The following SLC38A2 variants were observed in gnomAD, a reference collection of about 807,000 sequenced individuals.
SLC38A2 encodes sodium-coupled neutral amino acid symporter 2.
In SLC38A2, 11 loss-of-function variants were observed where a neutral mutation model predicts 61.5. The observed-to-expected ratio is 0.18, with a 90% CI of 0.11 to 0.30. SLC38A2 has a LOEUF of 0.30. Among genes scored for constraint, SLC38A2 ranks in the 10% least tolerant of loss-of-function variants. The pLI is 1.00. For synonymous variants in SLC38A2, 217 were observed against 212.5 expected (o/e 1.02, Z -0.18); for missense variants, 522 against 600.4 (o/e 0.87, Z 1.36).
At position 46,371,278 on chromosome 12, in the gene SLC38A2, T is replaced by C; in HGVS notation, c.16A>G (p.Met6Val). Residue 6 changes from methionine (M) to valine (V), a missense_variant, in exon 2 of 16, where the codon ATG becomes GTG. Around this residue, in one of 3 missense-constraint regions of SLC38A2, gnomAD observed 102 missense variants for 83.1 expected, o/e 1.23. Transcript: ENST00000256689. ...TCCGGGGAAATACTGAATCGTCCCA[T>C]TTCGGCCTTCTTCATGCTAAGCACT... MKKAE[M>V]GRFSISPDED... is the part of the protein sequence containing the mutation. 1 of 1,614,204 alleles carries C rather than the reference T, an allele frequency of 6.2e-7. No individual in the cohort carries two copies. The highest frequency in any genetic ancestry group is 1.7e-5 in the Admixed American group (1 of 60,032).
In SLC38A2 at chr12:46,367,184, A is replaced by G. The variant is rs1184308511; in HGVS notation, c.389-16T>C. The G allele has an allele frequency of 6.2e-7, 1 of 1,604,362 alleles. No individual in the cohort carries two copies. Among genetic ancestry groups the G allele is most frequent in the East Asian group, 2.2e-5 (1 of 44,848 alleles). ...AATAAAGACCCTACAATTTGAAGAC[A>G]GAAGCATGAAGCCAAGGATTTTAAA... On this transcript the variant is annotated splice_polypyrimidine_tract_variant and intron_variant, in intron 5 of 15. Coordinates refer to ENST00000256689, the MANE Select transcript of SLC38A2 (RefSeq NM_018976.5).
chr12:46,370,878 T>C (rs772138600), intron 2 of SLC38A2, 21 bp from the exon 3 acceptor site: 9 of 1,565,742 alleles, frequency 5.7e-6, no homozygotes, highest in Admixed American at 1.8e-5. Context: ...TATAGACATA[T>C]ATAATTGTAA....
rs1433281600 is a variant in SLC38A2, at chr12:46,360,752, T to TCCA, written c.*356_*358dup. The TCCA allele has an allele frequency of 5.1e-6, 1 of 196,348 alleles. No individual in the cohort carries two copies. The highest frequency in any genetic ancestry group is 1.0e-5 in the Non-Finnish European group (1 of 97,258). The allele number at this position is 196,348 out of a possible 1,614,324, so 12.2% of individuals were successfully genotyped here. ...AGAATTGTTTCTCACATCAAATGGT[T>TCCA]CCATTAGGCACATTCAAGTAAAATC... On this transcript the variant is annotated 3_prime_UTR_variant, in exon 16 of 16. Transcript: ENST00000256689.
Position 46,365,123 on chromosome 12 carries a change from C to T in SLC38A2, c.630G>A (p.Ser210=), listed in dbSNP as rs755493716. 13 of 1,612,988 alleles carry T rather than the reference C, an allele frequency of 8.1e-6. No individual in the cohort carries two copies. Among genetic ancestry groups the T allele is most frequent in the African/African-American group, 2.7e-5 (2 of 74,802 alleles). The part of the protein sequence containing the change: ...LVSLVVILPL[S]LFRNLGYLGY... ...TTTGCTCACCTAAATTTCTAAACAGCGACAAAGGAAGAATGACCACCAATG... is the reference window on the plus strand; with the variant it reads ...TTTGCTCACCTAAATTTCTAAACAGTGACAAAGGAAGAATGACCACCAATG... The change falls in exon 8 of 16, where the codon TCG becomes TCA. Residue 210 remains serine, a synonymous_variant. Transcript: ENST00000256689.
At chr12:46,368,082 C>G (rs999121645) in intron 4 of SLC38A2, among the ~76,000 whole-genome samples, 18 of 151,920 alleles carry the variant, frequency 1.2e-4, no homozygotes, top group Admixed American at 1.0e-3. Context: ...CTGCACTCAG[C>G]CTGGAGGACA....
intron 7 of SLC38A2, among the ~76,000 whole-genome samples, chr12:46,365,482 T>C (rs1943130144): frequency 1.3e-5 from 2 of 152,170 alleles, no homozygotes; most frequent in African/African-American, 4.8e-5. Context: ...AAAGACTTGA[T>C]ACTAATGCAG....
chr12:46,358,450 T>C lies in SLC38A2; in HGVS notation c.*2661A>G. The stretch of plus-strand genomic sequence containing the variant: ...GAAAATGTATTCCTTATTTAAATTT[T>C]AAATAAGAGATCTGAATTTGTACCA... On this transcript the variant is annotated 3_prime_UTR_variant, in exon 16 of 16. Coordinates refer to ENST00000256689, the MANE Select transcript of SLC38A2 (RefSeq NM_018976.5). The C allele has an allele frequency of 6.6e-6, 1 of 152,650 alleles. No individual in the cohort carries two copies. Among genetic ancestry groups the C allele is most frequent in the Non-Finnish European group, 1.5e-5 (1 of 68,034 alleles). 9.5% of individuals were successfully genotyped at this position (152,650 alleles called of 1,614,324 possible).
Position 46,360,842 on chromosome 12 carries a change from T to C in SLC38A2, c.*269A>G, listed in dbSNP as rs1183590848. Reference sequence around the variant, plus strand: ...TGGCTTGATAAAAGTTAAGAGTTTGTCCATTCTCTGGAATGGAATAAAATT... The same window carrying C: ...TGGCTTGATAAAAGTTAAGAGTTTGCCCATTCTCTGGAATGGAATAAAATT... On this transcript the variant is annotated 3_prime_UTR_variant, in exon 16 of 16. Transcript: ENST00000256689. 7.8e-6 allele frequency: 3 copies of C among 386,880 alleles called. No individual in the cohort carries two copies. The highest frequency in any genetic ancestry group is 4.4e-5 in the Admixed American group (1 of 22,726). 24.0% of individuals were successfully genotyped at this position (386,880 alleles called of 1,614,324 possible).
intron 1 of SLC38A2, chr12:46,371,644 T>G (rs1195281474): frequency 7.9e-6 from 2 of 252,980 alleles, no homozygotes; most frequent in Non-Finnish European, 1.5e-5. Flanking sequence ...CTCTCTATTG[T>G]CCCTCGTCGG....
At chr12:46,367,887 C>T (rs1423096590) in intron 4 of SLC38A2, among the ~76,000 whole-genome samples, 2 of 152,112 alleles carry the variant, frequency 1.3e-5, no homozygotes, top group African/African-American at 4.8e-5. Context: ...AATCCCAGCA[C>T]TCTAGGAGGC....
chr12:46,365,010 C>G, intron 8 of SLC38A2, 97 bp downstream of exon 8: 2 of 1,166,534 alleles, frequency 1.7e-6, no homozygotes, highest in Non-Finnish European at 2.5e-6. Flanking sequence ...TTTCTACTTT[C>G]TAGGGCTTTT....
At chr12:46,372,438 C>G (rs1943215850) in intron 1 of SLC38A2, 71 bp downstream of exon 1, 1 of 364,804 alleles carries the variant, frequency 2.7e-6, no homozygotes, top group East Asian at 3.9e-5. Context: ...CGCGGCCCCT[C>G]CCGGAAGCCC....
rs932175129 is a variant in SLC38A2 at position 46,358,536 on chromosome 12, A to G, written c.*2575T>C. ...AATACAATTTAAACAAGTTTTTTTTAGTGTTTGTACACAATTTGTCAATTT... is the reference window on the plus strand; with the variant it reads ...AATACAATTTAAACAAGTTTTTTTTGGTGTTTGTACACAATTTGTCAATTT... On this transcript the variant is annotated 3_prime_UTR_variant, in exon 16 of 16. Transcript: ENST00000256689. The G allele has an allele frequency of 6.6e-6, 1 of 152,596 alleles. No individual in the cohort carries two copies. Among genetic ancestry groups the G allele is most frequent in the African/African-American group, 2.4e-5 (1 of 41,460 alleles). 9.5% of individuals were successfully genotyped at this position (152,596 alleles called of 1,614,324 possible). A position where few individuals can be genotyped will look rare whatever the true frequency, so the allele number is the denominator to read the frequency against.
In SLC38A2 at chr12:46,365,162, C is replaced by T. The variant is rs139181186; in HGVS notation, c.591G>A (p.Leu197=). The T allele has an allele frequency of 1.1e-3, 1,755 of 1,613,310 alleles. 46 individuals carry two copies. In the East Asian group the frequency reaches 0.029, roughly 27 times the overall value. Residue 197 remains leucine (L), a synonymous_variant, in exon 8 of 16, where the codon TTG becomes TTA. Coordinates refer to ENST00000256689, the MANE Select transcript of SLC38A2 (RefSeq NM_018976.5). ...TGLWYLNGNY[L]VLLVSLVVIL... is the part of the protein sequence containing the mutation. ...TGACCACCAATGACACCAACAGAAC[C>T]AAATAGTTCCCGTTCAGATACCACA...
At chr12:46,365,290 A>C (rs1427484289) in intron 7 of SLC38A2, 101 bp from the exon 8 acceptor site, 10 of 948,158 alleles carry the variant, frequency 1.1e-5, no homozygotes, top group African/African-American at 3.3e-5. Context: ...CATGAAAACA[A>C]ACACACAAAA....
Position 46,371,334 on chromosome 12 carries a change from G to A in SLC38A2, c.-41C>T. ...GAATCGGGTGCAGCTAGTAGCGCTGGGCTCCTTTTGTCCTTGGCGGTGGGT... is the reference window on the plus strand; with the variant it reads ...GAATCGGGTGCAGCTAGTAGCGCTGAGCTCCTTTTGTCCTTGGCGGTGGGT... On this transcript the variant is annotated 5_prime_UTR_variant, in exon 2 of 16. Coordinates refer to ENST00000256689, the MANE Select transcript of SLC38A2 (RefSeq NM_018976.5). 2.6e-6 allele frequency: 4 copies of A among 1,535,392 alleles called. No individual in the cohort carries two copies. Among genetic ancestry groups the A allele is most frequent in the Non-Finnish European group, 1.8e-6 (2 of 1,109,286 alleles).
intron 7 of SLC38A2, among the ~76,000 whole-genome samples, chr12:46,366,058 T>C (rs927160369): frequency 3.3e-5 from 5 of 152,140 alleles, no homozygotes; most frequent in Admixed American, 2.6e-4. Flanking sequence ...GAGCTGCACA[T>C]AGGGTGGGAA....
Position 46,370,838 on chromosome 12 carries a change from G to C in SLC38A2, c.136C>G (p.Pro46Ala). 6.2e-7 allele frequency: 1 copy of C among 1,611,642 alleles called. No individual in the cohort carries two copies. The highest frequency in any genetic ancestry group is 8.5e-7 in the Non-Finnish European group (1 of 1,179,008). Residue 46 changes from proline (P) to alanine (A), a missense_variant, in exon 3 of 16, where the codon CCT (proline) becomes GCT (alanine). By Grantham distance (27) the Pro-to-Ala change is conservative (BLOSUM62 -1). Around this residue, in one of 3 missense-constraint regions of SLC38A2, gnomAD observed 102 missense variants for 83.1 expected, o/e 1.23. Coordinates refer to ENST00000256689, the MANE Select transcript of SLC38A2 (RefSeq NM_018976.5). ...TCAAGTAAAAAGTTCTGGTTTTCAGGATCTACATCTGCATAATGGCTGCAA... is the reference window on the plus strand; with the variant it reads ...TCAAGTAAAAAGTTCTGGTTTTCAGCATCTACATCTGCATAATGGCTGCAA... The part of the protein sequence containing the change: ...ALKSHYADVD[P>A]ENQNFLLESN...
rs1362398483 is a variant in SLC38A2 at position 46,366,760 on chromosome 12, T to C, written c.563+104A>G. Reference sequence around the variant, plus strand: ...TCTTGGTCAGTTTCAAAAGGAACATTTATGGATAATTAACTAATCATTTTG... The same window carrying C: ...TCTTGGTCAGTTTCAAAAGGAACATCTATGGATAATTAACTAATCATTTTG... On this transcript the variant is annotated intron_variant, in intron 7 of 15. Transcript: ENST00000256689. The C allele has an allele frequency of 2.9e-6, 3 of 1,050,626 alleles. No homozygotes were observed. In the African/African-American group the frequency reaches 7.9e-5, roughly 28 times the overall value. 65.1% of individuals were successfully genotyped at this position (1,050,626 alleles called of 1,614,324 possible). A position where few individuals can be genotyped will look rare whatever the true frequency, so the allele number is the denominator to read the frequency against.
Sources: allele counts gnomAD v4.1 joint callset (sites outside exome capture counted in the v4.1 genomes callset), GRCh38; gene constraint gnomAD v4.1.1; regional missense constraint gnomAD v4.1.1; transcripts MANE v1.5; gene names NCBI Gene and HGNC (gene_info 2026-07-23, HGNC 2026-07-21).